Variants in IRAK1BP1 observed in about 807,000 individuals in gnomAD.
The protein encoded by IRAK1BP1 is interleukin-1 receptor-associated kinase 1-binding protein 1.
Under a neutral mutation model 28.0 loss-of-function variants are expected in IRAK1BP1, and 24 were observed. The ratio of observed to expected loss-of-function variants is 0.86; its 90% CI spans 0.62 to 1.20. The LOEUF (loss-of-function observed/expected upper bound fraction) is 1.20, where lower values mean the gene tolerates loss of function less well. Among genes scored for constraint, IRAK1BP1 ranks in the 50% most tolerant of loss-of-function variants. The pLI is 0.00. For missense variants in IRAK1BP1, 336 were observed against 316.7 expected, an observed-to-expected ratio of 1.06 and a Z score of -0.46; for synonymous variants, 131 against 116.3, an observed-to-expected ratio of 1.13 and a Z score of -0.81.
intron 4 of IRAK1BP1, among the ~76,000 whole-genome samples, chr6:78,909,956 A>G (rs748877220): frequency 5.7e-4 from 86 of 152,182 alleles, no homozygotes; most frequent in Non-Finnish European, 1.6e-4. Context: ...TTTCCCACAA[A>G]AATACAGGAA....
At chr6:78,954,167 T>A in the IRAK1BP1 span, among the ~76,000 whole-genome samples, 5 of 151,934 alleles carry the variant, frequency 3.3e-5, no homozygotes, top group Non-Finnish European at 5.9e-5. Context: ...GGCAGTGGGA[T>A]CTCGGCTCAC....
At chr6:78,893,978 A>G (rs1457105853) in intron 2 of IRAK1BP1, among the ~76,000 whole-genome samples, 1 of 152,216 alleles carries the variant, frequency 6.6e-6, no homozygotes, top group Non-Finnish European at 1.5e-5. Flanking sequence ...AATAAATTAT[A>G]TAACAACAAT....
intron 1 of IRAK1BP1, among the ~76,000 whole-genome samples, chr6:78,880,816 A>G (rs1341798976): frequency 1.3e-5 from 2 of 152,208 alleles, no homozygotes; most frequent in Non-Finnish European, 2.9e-5. Context: ...GGAAAATAAA[A>G]CCACAATGAA....
At chr6:78,922,691 C>T (rs1253821535) in intron 4 of IRAK1BP1, among the ~76,000 whole-genome samples, 2 of 152,158 alleles carry the variant, frequency 1.3e-5, no homozygotes, top group Non-Finnish European at 2.9e-5. Context: ...GGGTTACCTT[C>T]AAAGGGAAGC....
At chr6:78,963,869 A>G in the IRAK1BP1 span, among the ~76,000 whole-genome samples, 5 of 152,196 alleles carry the variant, frequency 3.3e-5, no homozygotes, top group African/African-American at 1.2e-4. Context: ...ACTCTAGAAA[A>G]TACGCCACTG....
At chr6:78,891,961 A>T (rs1367977479) in intron 2 of IRAK1BP1, among the ~76,000 whole-genome samples, 1 of 152,140 alleles carries the variant, frequency 6.6e-6, no homozygotes, top group Non-Finnish European at 1.5e-5. Flanking sequence ...GAAATATTTT[A>T]TACATATATA....
chr6:78,965,637 AT>A, the IRAK1BP1 span: 1 of 900,220 alleles, frequency 1.1e-6, no homozygotes, highest in Non-Finnish European at 1.8e-6. Context: ...ATGTTAGCAA[AT>A]CTTAAATAAT....
chr6:78,905,611 G>GT (rs534061427), downstream of IRAK1BP1, among the ~76,000 whole-genome samples: 31 of 151,972 alleles, frequency 2.0e-4, no homozygotes, highest in Admixed American at 3.3e-4. Context: ...TGTTAGAAAT[G>GT]TTTTTTTTGA....
chr6:78,915,651 G>GACTA (rs1271900972), intron 4 of IRAK1BP1, among the ~76,000 whole-genome samples: 2 of 152,168 alleles, frequency 1.3e-5, no homozygotes, highest in Non-Finnish European at 2.9e-5. Flanking sequence ...ACCTTCCTTA[G>GACTA]ACTACATAGA....
chr6:78,926,335 G>T (rs1379722183), intron 4 of IRAK1BP1, among the ~76,000 whole-genome samples: 1 of 152,096 alleles, frequency 6.6e-6, no homozygotes, highest in Non-Finnish European at 1.5e-5. Flanking sequence ...ATATCCAAAA[G>T]AAAATCATTC....
At chr6:78,937,190 A>C (rs576725518) in intron 4 of IRAK1BP1, 1 of 151,858 alleles carries the variant, frequency 6.6e-6, no homozygotes, top group East Asian at 1.9e-4. Context: ...AAACATTCAG[A>C]ATATATCCGT....
intron 4 of IRAK1BP1, among the ~76,000 whole-genome samples, chr6:78,913,959 G>T (rs1036364187): frequency 6.6e-6 from 1 of 152,102 alleles, no homozygotes; most frequent in African/African-American, 2.4e-5. Flanking sequence ...ATCTATATTT[G>T]TAATCATCAC....
the IRAK1BP1 span, among the ~76,000 whole-genome samples, chr6:78,974,156 C>G: frequency 1.3e-5 from 2 of 151,988 alleles, no homozygotes; most frequent in Non-Finnish European, 2.9e-5. Flanking sequence ...TGTAAAAGAA[C>G]AGAAATTATA....
Position 78,945,865 on chromosome 6 carries a change from T to C in IRAK1BP1, c.*525T>C. 3 of 681,810 alleles carry C rather than the reference T, an allele frequency of 4.4e-6. No homozygotes were observed. In the South Asian group the frequency reaches 6.3e-5, roughly 14 times the overall value. 42.2% of individuals were successfully genotyped at this position (681,810 alleles called of 1,614,324 possible). ...TCTTATTAAAAACTTTTTTTTAAAA[T>C]AGGAAATTAATAAAGAAGGCAAAAA... On this transcript the variant is annotated 3_prime_UTR_variant and NMD_transcript_variant, in exon 5 of 5. Transcript: ENST00000606868.
chr6:78,949,432 C>T (rs1031713194), downstream of IRAK1BP1, among the ~76,000 whole-genome samples: 1 of 152,090 alleles, frequency 6.6e-6, no homozygotes, highest in Non-Finnish European at 1.5e-5. Flanking sequence ...GCCAGTATTT[C>T]CCTGTTTTAA....
chr6:78,881,724 C>A (rs1415896174), intron 1 of IRAK1BP1, among the ~76,000 whole-genome samples: 5 of 152,100 alleles, frequency 3.3e-5, no homozygotes, highest in Non-Finnish European at 5.9e-5. Flanking sequence ...AAACTCCATG[C>A]TCTAGTTGGT....
chr6:78,965,888 G>A, the IRAK1BP1 span: 1 of 1,313,344 alleles, frequency 7.6e-7, no homozygotes, highest in Non-Finnish European at 1.1e-6. Context: ...TTAATAGATG[G>A]AAAAAAAAAT....
At chr6:78,871,429 T>A (rs1318595425) in intron 1 of IRAK1BP1, 1 of 985,336 alleles carries the variant, frequency 1.0e-6, no homozygotes, top group African/African-American at 1.7e-5. Context: ...ACAGACACCT[T>A]TTCTCCTTTT....
At chr6:78,949,241 C>A (rs1023184551), downstream of IRAK1BP1, among the ~76,000 whole-genome samples, 2 of 152,042 alleles carry the variant, frequency 1.3e-5, no homozygotes, top group African/African-American at 2.4e-5. Context: ...GTCTATTTGC[C>A]ATCTATTCAC....
Sources: gnomAD v4.1 joint callset for allele counts (sites outside exome capture counted in the v4.1 genomes callset) on GRCh38, gnomAD v4.1.1 for gene constraint, MANE v1.5 for transcripts, NCBI Gene and HGNC (gene_info 2026-07-23, HGNC 2026-07-21) for gene names.